The following VPS53 variants were observed in gnomAD, a reference collection of about 807,000 sequenced individuals.
The protein encoded by VPS53 is VPS53 subunit of GARP complex, also known as vacuolar protein sorting-associated protein 53 homolog.
A neutral mutation model predicts 107.0 loss-of-function variants in VPS53; 70 were observed. The ratio of observed to expected loss-of-function variants is 0.65; its 90% CI spans 0.54 to 0.80. The LOEUF (loss-of-function observed/expected upper bound fraction) is 0.80, where lower values mean the gene tolerates loss of function less well. VPS53 is among the 30% of genes least tolerant of loss of function. The pLI is 0.00. For missense variants in VPS53, 917 were observed against 1,049.4 expected, an observed-to-expected ratio of 0.87 and a Z score of 1.74; for synonymous variants, 409 against 393.3, an observed-to-expected ratio of 1.04 and a Z score of -0.47.
chr17:533,314 G>A (rs1909749112), intron 18 of VPS53, among the ~76,000 whole-genome samples: 1 of 152,172 alleles, frequency 6.6e-6, no homozygotes. Flanking sequence ...TCGTTATGCT[G>A]CCCAGGCTGG....
intron 13 of VPS53, among the ~76,000 whole-genome samples, chr17:585,837 G>A (rs1967282374): frequency 6.6e-6 from 1 of 152,136 alleles, no homozygotes; most frequent in African/African-American, 2.4e-5. Context: ...ATTCTCTGAG[G>A]AGGGCATGTG....
intron 5 of VPS53, among the ~76,000 whole-genome samples, chr17:659,037 TA>T (rs566043048): frequency 0.25 from 35,304 of 139,326 alleles, 4,482 homozygotes; most frequent in Non-Finnish European, 0.31. Flanking sequence ...TCCAATGAAT[TA>T]AAAAAAAAAA....
intron 12 of VPS53, 112 bp from the exon 13 acceptor site, chr17:586,476 T>A: frequency 9.8e-7 from 1 of 1,023,724 alleles, no homozygotes; most frequent in Non-Finnish European, 1.4e-6. Flanking sequence ...GATAAGAGAG[T>A]ACTCAATGTA....
intron 7 of VPS53, among the ~76,000 whole-genome samples, chr17:650,084 G>A (rs74251928): frequency 0.099 from 15,124 of 152,202 alleles, 852 homozygotes; most frequent in East Asian, 0.22. Context: ...CAACGTTCAC[G>A]TAACAAGAAT....
chr17:608,170 G>A (rs1178591375), intron 11 of VPS53, among the ~76,000 whole-genome samples: 1 of 152,160 alleles, frequency 6.6e-6, no homozygotes, highest in African/African-American at 2.4e-5. Context: ...CACACACTTG[G>A]TGTCCACCAT....
chr17:574,460 A>T (rs1914435632), intron 13 of VPS53, among the ~76,000 whole-genome samples: 1 of 152,168 alleles, frequency 6.6e-6, no homozygotes, highest in African/African-American at 2.4e-5. Context: ...TACCTCAGAC[A>T]TGTGCTTTAA....
chr17:601,876 G>A lies in VPS53; in HGVS notation c.1137C>T (p.Pro379=). The A allele has an allele frequency of 1.9e-6, 3 of 1,590,040 alleles. No individual in the cohort carries two copies. Among genetic ancestry groups the A allele is most frequent in the Admixed American group, 1.8e-5 (1 of 56,818 alleles). ...DGTLKKLESP[P]PSTNPFLEDE... Reference sequence around the variant, plus strand: ...CTTCCAGGAAGGGATTGGTAGATGGGGGTGGAGACTCAAGCTTTTTCTGTT... The same window carrying A: ...CTTCCAGGAAGGGATTGGTAGATGGAGGTGGAGACTCAAGCTTTTTCTGTT... The change falls in exon 12 of 22, where the codon CCC becomes CCT. Residue 379 remains proline, a synonymous_variant. Coordinates refer to ENST00000437048, the MANE Select transcript of VPS53 (RefSeq NM_001128159.3).
intron 7 of VPS53, among the ~76,000 whole-genome samples, chr17:641,397 A>G (rs1970420057): frequency 6.6e-6 from 1 of 152,356 alleles, no homozygotes; most frequent in Non-Finnish European, 1.5e-5. Context: ...CTAACCATGA[A>G]AAGGTTCCCA....
intron 19 of VPS53, among the ~76,000 whole-genome samples, chr17:527,615 AATT>A (rs1053603202): frequency 1.3e-5 from 2 of 152,030 alleles, no homozygotes; most frequent in Admixed American, 6.6e-5. Flanking sequence ...CACTCTTTTA[AATT>A]ATTATTATGA....
chr17:572,838 G>T (rs556477478), intron 13 of VPS53, among the ~76,000 whole-genome samples: 2 of 150,518 alleles, frequency 1.3e-5, no homozygotes, highest in South Asian at 2.1e-4. Flanking sequence ...CAGCATGCTC[G>T]TTAAGAGTCA....
chr17:640,656 C>G (rs77624140), intron 7 of VPS53, among the ~76,000 whole-genome samples: 238 of 151,824 alleles, frequency 1.6e-3, no homozygotes, highest in African/African-American at 5.6e-3. Flanking sequence ...TGGGTCACAA[C>G]TTTGAATAGC....
intron 4 of VPS53, among the ~76,000 whole-genome samples, chr17:681,365 G>C (rs1380321054): frequency 6.6e-6 from 1 of 152,200 alleles, no homozygotes. Context: ...TCGAACTCCT[G>C]ACCTCGTGAT....
chr17:519,064 T>G lies in VPS53; in HGVS notation c.*64A>C. 6.9e-7 allele frequency: 1 copy of G among 1,443,896 alleles called. No individual in the cohort carries two copies. The highest frequency in any genetic ancestry group is 9.2e-7 in the Non-Finnish European group (1 of 1,091,922). The allele number at this position is 1,443,896 out of a possible 1,614,324, so 89.4% of individuals were successfully genotyped here. A position where few individuals can be genotyped will look rare whatever the true frequency, so the allele number is the denominator to read the frequency against. ...GAGTGCCGGGGAGCACAGGAGAGGT[T>G]GGGGGCTTCTGGGGAACGGGCGCTG... On this transcript the variant is annotated 3_prime_UTR_variant, in exon 22 of 22. Coordinates refer to ENST00000437048, the MANE Select transcript of VPS53 (RefSeq NM_001128159.3). This position sits in a 1 kb window ranked among gnomAD's most constrained non-coding sequence, Gnocchi z 5.0.
intron 7 of VPS53, 132 bp downstream of exon 7, chr17:653,159 G>A: frequency 6.4e-7 from 1 of 1,551,938 alleles, no homozygotes; most frequent in Non-Finnish European, 8.7e-7. Flanking sequence ...TCCCTCCGGT[G>A]ACAGTTTACC....
chr17:673,203 G>A (rs556996052), intron 4 of VPS53, among the ~76,000 whole-genome samples: 1 of 151,902 alleles, frequency 6.6e-6, no homozygotes, highest in African/African-American at 2.4e-5. Context: ...ACATGGATGA[G>A]TGCTACCACA....
At chr17:567,187 T>C (rs1365140321) in intron 13 of VPS53, among the ~76,000 whole-genome samples, 1 of 152,254 alleles carries the variant, frequency 6.6e-6, no homozygotes, top group Admixed American at 6.5e-5. Flanking sequence ...AGTAAGATTA[T>C]AAACTAATTA....
At chr17:691,839 T>C (rs1344482774) in intron 4 of VPS53, among the ~76,000 whole-genome samples, 1 of 152,192 alleles carries the variant, frequency 6.6e-6, no homozygotes, top group African/African-American at 2.4e-5. Context: ...TTTTTAGTTA[T>C]TGTGGTGAAT....
intron 13 of VPS53, among the ~76,000 whole-genome samples, chr17:567,212 A>T (rs1027034438): frequency 7.2e-5 from 11 of 152,232 alleles, no homozygotes; most frequent in African/African-American, 2.4e-4. Context: ...CATACAGCAT[A>T]AAGAAAATGT....
At chr17:578,089 C>G (rs144612475) in intron 13 of VPS53, among the ~76,000 whole-genome samples, 5 of 151,334 alleles carry the variant, frequency 3.3e-5, no homozygotes, top group African/African-American at 1.2e-4. Flanking sequence ...CCCAGGCAAC[C>G]TCCCTCAGAA....
Sources: allele counts gnomAD v4.1 joint callset (sites outside exome capture counted in the v4.1 genomes callset), GRCh38; gene constraint gnomAD v4.1.1; non-coding constraint Gnocchi (gnomAD v3.1); transcripts MANE v1.5; gene names NCBI Gene and HGNC (gene_info 2026-07-23, HGNC 2026-07-21).